The following KIAA1671 variants were observed in gnomAD, a reference collection of about 807,000 sequenced individuals.
KIAA1671 encodes uncharacterized protein KIAA1671.
Under a neutral mutation model 131.2 loss-of-function variants are expected in KIAA1671, and 52 were observed. The ratio of observed to expected loss-of-function variants is 0.40; its 90% CI spans 0.32 to 0.50. The LOEUF is 0.50. Ranked by LOEUF, KIAA1671 falls within the 20% of genes least tolerant of loss-of-function variation. The pLI is 0.73. For synonymous variants in KIAA1671, 1,003 were observed against 961.6 expected (o/e 1.04, Z -0.80); for missense variants, 2,360 against 2,364.2 (o/e 1.00, Z 0.04).
intron 1 of KIAA1671, among the ~76,000 whole-genome samples, chr22:24,995,277 C>T (rs1347734840): frequency 6.6e-6 from 1 of 151,810 alleles, no homozygotes; most frequent in Non-Finnish European, 1.5e-5. Context: ...TGGTCTCGAT[C>T]TCCTGACCTC....
intron 4 of KIAA1671, among the ~76,000 whole-genome samples, chr22:25,038,306 C>A (rs1926726103): frequency 1.3e-5 from 2 of 152,210 alleles, no homozygotes; most frequent in African/African-American, 4.8e-5. Context: ...CTGGCTGGAT[C>A]TGCCTCTTTC....
At chr22:24,995,419 C>T (rs1233041755) in intron 1 of KIAA1671, among the ~76,000 whole-genome samples, 3 of 150,756 alleles carry the variant, frequency 2.0e-5, no homozygotes, top group Non-Finnish European at 2.9e-5. Context: ...TGCAGTGGTG[C>T]AGTCATGACT....
chr22:24,960,027 G>A (rs919922508), intron 1 of KIAA1671, among the ~76,000 whole-genome samples: 6 of 151,288 alleles, frequency 4.0e-5, no homozygotes, highest in Admixed American at 2.0e-4. Context: ...CCAGCTACTC[G>A]TGGGGCTGAG....
At chr22:25,003,173 G>T (rs1289269887) in intron 1 of KIAA1671, among the ~76,000 whole-genome samples, 1 of 152,102 alleles carries the variant, frequency 6.6e-6, no homozygotes, top group Non-Finnish European at 1.5e-5. Context: ...GGGCTTCATG[G>T]TCTTAGTGTC....
rs748471421 is a variant in KIAA1671 at position 25,087,341 on chromosome 22, T to A, written c.4530+37977T>A. Among the ~76,000 whole-genome samples, 72 of 152,106 alleles carry A rather than the reference T, an allele frequency of 4.7e-4. 2 individuals are homozygous for A. Among genetic ancestry groups the A allele is most frequent in the Non-Finnish European group, 1.2e-4 (8 of 68,016 alleles). ...GGCTCATGCCTGTAATCCCAATACT[T>A]CGGGAGGCCGAGGTGGTGGATTACC... is the stretch of plus-strand genomic sequence containing the variant. On this transcript the variant is annotated intron_variant, in intron 6 of 12. Transcript: ENST00000358431.
chr22:25,133,667 C>T (rs981132579), intron 6 of KIAA1671, among the ~76,000 whole-genome samples: 5 of 152,122 alleles, frequency 3.3e-5, no homozygotes, highest in Non-Finnish European at 5.9e-5. Context: ...CTCAGCTTCC[C>T]GAGTAGCTGG....
At chr22:25,089,194 A>T (rs1929890012) in intron 6 of KIAA1671, among the ~76,000 whole-genome samples, 1 of 149,276 alleles carries the variant, frequency 6.7e-6, no homozygotes, top group South Asian at 2.2e-4. Flanking sequence ...GCATCTGTGG[A>T]TTTATGTATC....
At chr22:25,094,941 T>C (rs1397324547) in intron 6 of KIAA1671, among the ~76,000 whole-genome samples, 2 of 152,142 alleles carry the variant, frequency 1.3e-5, no homozygotes, top group African/African-American at 4.8e-5. Flanking sequence ...CCCAGCTCTT[T>C]ATTGAGTGTT....
chr22:25,030,993 G>C (rs956973448), intron 3 of KIAA1671, among the ~76,000 whole-genome samples: 3 of 152,116 alleles, frequency 2.0e-5, no homozygotes, highest in African/African-American at 7.2e-5. Flanking sequence ...CGATTCACTT[G>C]GTCTGGGGAG....
At chr22:24,964,326 C>T (rs1922180389) in intron 1 of KIAA1671, among the ~76,000 whole-genome samples, 1 of 151,656 alleles carries the variant, frequency 6.6e-6, no homozygotes, top group East Asian at 1.9e-4. Flanking sequence ...GAGACTCTGT[C>T]TCAACAAAAA....
chr22:25,111,335 A>G (rs1330992406), intron 6 of KIAA1671, among the ~76,000 whole-genome samples: 2 of 152,234 alleles, frequency 1.3e-5, no homozygotes, highest in Admixed American at 6.5e-5. Flanking sequence ...TGAAGTTGCC[A>G]TCAGCCCCGA....
At chr22:24,984,428 A>G (rs1923406825) in intron 1 of KIAA1671, among the ~76,000 whole-genome samples, 1 of 152,128 alleles carries the variant, frequency 6.6e-6, no homozygotes, top group Admixed American at 6.5e-5. Flanking sequence ...ACCATCCTCA[A>G]ATATAGCTGG....
At chr22:25,115,828 G>A (rs1025114010) in intron 6 of KIAA1671, among the ~76,000 whole-genome samples, 189 of 152,278 alleles carry the variant, frequency 1.2e-3, no homozygotes, top group African/African-American at 4.4e-3. Context: ...CCAGGCTGGA[G>A]TGCAGTGGCA....
At chr22:25,062,496 C>T (rs1426590787) in intron 6 of KIAA1671, 1 of 152,418 alleles carries the variant, frequency 6.6e-6, no homozygotes, top group Non-Finnish European at 1.5e-5. Context: ...AGCCACTCGT[C>T]TGCGGCCTGT....
intron 6 of KIAA1671, among the ~76,000 whole-genome samples, chr22:25,127,782 A>G (rs534534721): frequency 1.3e-5 from 2 of 152,322 alleles, no homozygotes; most frequent in South Asian, 4.1e-4. Flanking sequence ...ATGAAAAAAG[A>G]ATGGAGGTCA....
chr22:25,026,794 C>T (rs1925967402), intron 2 of KIAA1671, among the ~76,000 whole-genome samples: 1 of 151,914 alleles, frequency 6.6e-6, no homozygotes, highest in African/African-American at 2.4e-5. Flanking sequence ...GCTGGGTGAT[C>T]GTAGGCAAGT....
chr22:25,052,577 G>A (rs1927595852), intron 6 of KIAA1671: 1 of 152,282 alleles, frequency 6.6e-6, no homozygotes, highest in East Asian at 1.9e-4. Context: ...TGCAGTCCAT[G>A]CTCTTAAGTG....
intron 6 of KIAA1671, among the ~76,000 whole-genome samples, chr22:25,090,414 T>G (rs1226228526): frequency 6.6e-6 from 1 of 152,248 alleles, no homozygotes; most frequent in Non-Finnish European, 1.5e-5. Context: ...CCTCATTTGT[T>G]ATCTGGGTAG....
chr22:25,177,236 C>G, intron 8 of KIAA1671, 112 bp from the exon 9 acceptor site: 2 of 1,049,398 alleles, frequency 1.9e-6, no homozygotes, highest in Non-Finnish European at 2.7e-6. Context: ...CTAGGTACCA[C>G]CTAAATAGCC....
Sources: gnomAD v4.1 joint callset for allele counts (sites outside exome capture counted in the v4.1 genomes callset) on GRCh38, gnomAD v4.1.1 for gene constraint, MANE v1.5 for transcripts, NCBI Gene and HGNC (gene_info 2026-07-23, HGNC 2026-07-21) for gene names.